The following UFD1 variants were observed in gnomAD, a reference collection of about 807,000 sequenced individuals.
UFD1 encodes ubiquitin recognition factor in ER associated degradation 1.
In UFD1, 13 loss-of-function variants were observed where a neutral mutation model predicts 45.9. The observed-to-expected ratio is 0.28, with a 90% CI of 0.18 to 0.45. The LOEUF is 0.45. Ranked by LOEUF, UFD1 falls within the 20% of genes least tolerant of loss-of-function variation. UFD1 has a pLI of 1.00. For synonymous variants in UFD1, 128 were observed against 139.2 expected (o/e 0.92, Z 0.56); for missense variants, 218 against 389.2 (o/e 0.56, Z 3.70).
At chr22:19,462,375 G>C (rs2089773966) in intron 6 of UFD1, among the ~76,000 whole-genome samples, 1 of 152,158 alleles carries the variant, frequency 6.6e-6, no homozygotes, top group Non-Finnish European at 1.5e-5. Context: ...TCTCAAGAGA[G>C]TAAGTCTAGG....
chr22:19,471,431 C>T (rs1260132045), intron 4 of UFD1: 6 of 728,542 alleles, frequency 8.2e-6, no homozygotes, highest in Non-Finnish European at 1.5e-5. Flanking sequence ...CACAGATGAA[C>T]AGTTCAGCTG....
At chr22:19,470,611 T>A (rs1229778660) in intron 4 of UFD1, 1 of 391,926 alleles carries the variant, frequency 2.6e-6, no homozygotes, top group East Asian at 7.2e-5. Context: ...CCGGCTAGTC[T>A]TTGTATTTTT....
rs780643838 is a variant in UFD1, at chr22:19,458,057, A to C, written c.564+14T>G. The C allele has an allele frequency of 8.7e-6, 14 of 1,613,908 alleles. No homozygotes were observed. The highest frequency in any genetic ancestry group is 1.2e-5 in the Non-Finnish European group (14 of 1,179,914). ...CAGGGCCCAGGCTCACTGTAACTGG[A>C]CAGAGCCACTCACGTTCATGTCACA... On this transcript the variant is annotated intron_variant, in intron 7 of 11. Coordinates refer to ENST00000263202, the MANE Select transcript of UFD1 (RefSeq NM_005659.7).
At chr22:19,453,445 C>CTG in intron 11 of UFD1, 1 of 985,488 alleles carries the variant, frequency 1.0e-6, no homozygotes, top group South Asian at 4.7e-5. Context: ...AACAGGCCTG[C>CTG]TGTGCCCACT....
chr22:19,470,409 G>A (rs1176554980), intron 4 of UFD1, among the ~76,000 whole-genome samples: 1 of 152,092 alleles, frequency 6.6e-6, no homozygotes, highest in African/African-American at 2.4e-5. Context: ...TGCTACAGCA[G>A]GAAAGAGACC....
At position 19,471,456 on chromosome 22, in the gene UFD1, A is replaced by G. The variant is rs552141570; in HGVS notation, c.291+231T>C. On this transcript the variant is annotated intron_variant, in intron 4 of 11. Coordinates refer to ENST00000263202, the MANE Select transcript of UFD1 (RefSeq NM_005659.7). Reference sequence around the variant, plus strand: ...CAGTTCAGCTGCGCAACTATCAAAGAAAAGGCCACTCCCACAGCACAGTGG... The same window carrying G: ...CAGTTCAGCTGCGCAACTATCAAAGGAAAGGCCACTCCCACAGCACAGTGG... The G allele has an allele frequency of 1.1e-4, 84 of 757,856 alleles. 2 individuals carry two copies. Among genetic ancestry groups the G allele is most frequent in the South Asian group, 1.1e-3 (81 of 73,740 alleles). The allele number at this position is 757,856 out of a possible 1,614,324, so 46.9% of individuals were successfully genotyped here.
intron 5 of UFD1, 127 bp downstream of exon 5, chr22:19,467,746 A>G: frequency 6.7e-7 from 1 of 1,492,534 alleles, no homozygotes; most frequent in Admixed American, 2.1e-5. Context: ...TTATTCTCAA[A>G]TCACAACTTG....
At chr22:19,452,947 T>C in intron 11 of UFD1, 1 of 753,736 alleles carries the variant, frequency 1.3e-6, no homozygotes, top group Non-Finnish European at 1.6e-6. Context: ...CCTTCAAATC[T>C]GCAAAATTGT....
chr22:19,457,863 C>T (rs1181057350), intron 7 of UFD1, among the ~76,000 whole-genome samples: 1 of 152,134 alleles, frequency 6.6e-6, no homozygotes, highest in Admixed American at 6.5e-5. Flanking sequence ...ACCATGGCAG[C>T]ACTGGCAGCA....
intron 3 of UFD1, among the ~76,000 whole-genome samples, chr22:19,474,695 G>A (rs759964026): frequency 1.8e-4 from 28 of 152,204 alleles, no homozygotes; most frequent in Non-Finnish European, 3.8e-4. Flanking sequence ...AGTGAGCCCA[G>A]CCAATGGCAT....
At chr22:19,459,735 C>CTTTTT (rs35629488) in intron 6 of UFD1, among the ~76,000 whole-genome samples, 4 of 88,972 alleles carry the variant, frequency 4.5e-5, no homozygotes, top group South Asian at 4.2e-4. Flanking sequence ...GTCTGTCTTG[C>CTTTTT]TTTTTTTTTT....
chr22:19,465,847 G>A (rs2089798112), intron 5 of UFD1: 1 of 152,220 alleles, frequency 6.6e-6, no homozygotes, highest in South Asian at 2.1e-4. Context: ...TACTTCTGTT[G>A]TTTCTATCTT....
chr22:19,466,854 A>G (rs1601896476), intron 5 of UFD1: 1 of 152,256 alleles, frequency 6.6e-6, no homozygotes, highest in Non-Finnish European at 1.5e-5. Flanking sequence ...ATTGCAACAC[A>G]TGTAAAAACC....
At chr22:19,452,983 C>T in intron 11 of UFD1, 1 of 956,026 alleles carries the variant, frequency 1.0e-6, no homozygotes, top group Non-Finnish European at 1.2e-6. Context: ...AACTATTTCC[C>T]TGATGATTTC....
At chr22:19,455,546 G>C (rs73383655) in intron 10 of UFD1, 134 bp downstream of exon 10, 1 of 755,598 alleles carries the variant, frequency 1.3e-6, no homozygotes, top group Admixed American at 2.3e-5. Context: ...ACCAAGGAGA[G>C]CAGCTAAGGG....
intron 3 of UFD1, 96 bp downstream of exon 3, chr22:19,474,972 G>C: frequency 1.6e-6 from 2 of 1,227,364 alleles, no homozygotes; most frequent in Non-Finnish European, 2.3e-6. Flanking sequence ...TGCTGACAAA[G>C]GGCACTGGTG....
intron 3 of UFD1, among the ~76,000 whole-genome samples, chr22:19,474,849 A>G (rs947325037): frequency 6.6e-6 from 1 of 152,156 alleles, no homozygotes; most frequent in African/African-American, 2.4e-5. Flanking sequence ...AACCTGAAGC[A>G]CCCAGGGCAG....
chr22:19,453,227 CA>C (rs2089697023), intron 11 of UFD1: 15 of 980,394 alleles, frequency 1.5e-5, no homozygotes, highest in Non-Finnish European at 1.8e-5. Context: ...GAGAATTCCA[CA>C]ATCTACACAG....
chr22:19,451,312 C>T, intron 11 of UFD1: 1 of 985,424 alleles, frequency 1.0e-6, no homozygotes. Context: ...TGTAGGAGGG[C>T]CAGTTTTCTA....
Sources: gnomAD v4.1 joint callset for allele counts (sites outside exome capture counted in the v4.1 genomes callset) on GRCh38, gnomAD v4.1.1 for gene constraint, MANE v1.5 for transcripts, NCBI Gene and HGNC (gene_info 2026-07-23, HGNC 2026-07-21) for gene names.